The following CTNNA2 variants were observed in gnomAD, a reference collection of about 807,000 sequenced individuals.
The protein encoded by CTNNA2 is catenin alpha 2.
In CTNNA2, 42 loss-of-function variants were observed where a neutral mutation model predicts 101.0. The observed-to-expected ratio is 0.42, with a 90% CI of 0.32 to 0.54. CTNNA2 has a LOEUF of 0.54. Among genes scored for constraint, CTNNA2 ranks in the 20% least tolerant of loss-of-function variants. The pLI, the probability that CTNNA2 is intolerant of heterozygous loss-of-function variation, is 0.14. For synonymous variants in CTNNA2, 450 were observed against 456.4 expected (o/e 0.99, Z 0.18); for missense variants, 871 against 1,223.1 (o/e 0.71, Z 4.29).
chr2:79,948,183 A>G (rs1688633606), intron 7 of CTNNA2, among the ~76,000 whole-genome samples: 1 of 152,220 alleles, frequency 6.6e-6, no homozygotes, highest in Admixed American at 6.5e-5. Context: ...TGAGATCCCT[A>G]TGGAAAGCAG....
At chr2:80,202,393 A>T (rs1034260556) in intron 7 of CTNNA2, among the ~76,000 whole-genome samples, 2 of 152,170 alleles carry the variant, frequency 1.3e-5, no homozygotes, top group African/African-American at 4.8e-5. Flanking sequence ...TTAGAAGAAG[A>T]TTCAGGAACA....
chr2:80,276,130 T>C (rs1177119075), intron 7 of CTNNA2, among the ~76,000 whole-genome samples: 1 of 152,244 alleles, frequency 6.6e-6, no homozygotes, highest in African/African-American at 2.4e-5. Context: ...GATAGTCGGA[T>C]ATTCAATAAG....
intron 2 of CTNNA2, among the ~76,000 whole-genome samples, chr2:79,222,669 C>T (rs997860871): frequency 2.0e-5 from 3 of 152,018 alleles, no homozygotes; most frequent in African/African-American, 7.2e-5. Flanking sequence ...TTCTTTTCTT[C>T]CTGTCTTCCT....
intron 1 of CTNNA2, among the ~76,000 whole-genome samples, chr2:79,572,322 A>T (rs1675509119): frequency 6.6e-6 from 1 of 152,144 alleles, no homozygotes; most frequent in Admixed American, 6.6e-5. Context: ...ATTATTTTTG[A>T]GAAAAATAAG....
intron 6 of CTNNA2, among the ~76,000 whole-genome samples, chr2:79,906,446 C>T (rs533791813): frequency 6.6e-6 from 1 of 152,296 alleles, no homozygotes; most frequent in Non-Finnish European, 1.5e-5. Flanking sequence ...CTGCTTTTCA[C>T]ATCCATCATT....
chr2:80,482,088 T>C (rs1251907412), intron 9 of CTNNA2, among the ~76,000 whole-genome samples: 1 of 151,952 alleles, frequency 6.6e-6, no homozygotes, highest in Non-Finnish European at 1.5e-5. Context: ...TTTAATTTAA[T>C]TTAATTTAAT....
intron 3 of CTNNA2, among the ~76,000 whole-genome samples, chr2:79,360,581 C>A (rs1001237030): frequency 1.3e-4 from 19 of 151,732 alleles, no homozygotes; most frequent in African/African-American, 4.4e-4. Flanking sequence ...AGATACTGCC[C>A]ACTACTGAAA....
chr2:80,637,373 G>A (rs774200309), intron 18 of CTNNA2, among the ~76,000 whole-genome samples: 4 of 151,584 alleles, frequency 2.6e-5, no homozygotes, highest in Non-Finnish European at 5.9e-5. Context: ...CGTGTAGTTA[G>A]TGATCCATCC....
intron 1 of CTNNA2, among the ~76,000 whole-genome samples, chr2:79,540,085 A>G (rs1378128204): frequency 1.3e-5 from 2 of 152,176 alleles, no homozygotes; most frequent in Admixed American, 6.5e-5. Context: ...TTGTTTGCTG[A>G]TGTTTCCCCA....
chr2:80,429,925 T>C (rs1254290793), intron 9 of CTNNA2, among the ~76,000 whole-genome samples: 1 of 152,242 alleles, frequency 6.6e-6, no homozygotes, highest in South Asian at 2.1e-4. Flanking sequence ...GAATTAACTA[T>C]GCACATAATG....
intron 4 of CTNNA2, among the ~76,000 whole-genome samples, chr2:79,487,162 C>T (rs1010659558): frequency 7.2e-5 from 11 of 152,120 alleles, no homozygotes; most frequent in African/African-American, 1.9e-4. Flanking sequence ...TTTTCATTTT[C>T]GTGATCTTGT....
chr2:79,753,612 C>T (rs943491748), intron 3 of CTNNA2, among the ~76,000 whole-genome samples: 8 of 152,124 alleles, frequency 5.3e-5, no homozygotes, highest in African/African-American at 1.9e-4. Context: ...ATGACCATGC[C>T]ACCAAGGTGT....
intron 7 of CTNNA2, among the ~76,000 whole-genome samples, chr2:80,076,689 T>C (rs978912343): frequency 6.6e-6 from 1 of 152,072 alleles, no homozygotes; most frequent in African/African-American, 2.4e-5. Context: ...TGCATCTTGC[T>C]AAATAATTTT....
In CTNNA2 at chr2:79,644,277, A is replaced by G. The variant is rs1028677191; in HGVS notation, c.-5-7275A>G. 3.3e-5 allele frequency among the ~76,000 whole-genome samples: 5 copies of G among 152,058 alleles called. No individual in the cohort carries two copies. The East Asian group carries it at 9.7e-4, about 29-fold the overall frequency. On this transcript the variant is annotated intron_variant, in intron 1 of 18. Transcript: ENST00000402739. ...CTGGTCTCGAACTCCTGACCTTGTG[A>G]TCCTCCCAGCTCGGTCTCCCAAAGT...
chr2:79,316,563 C>A (rs1432271352), intron 3 of CTNNA2, among the ~76,000 whole-genome samples: 1 of 151,932 alleles, frequency 6.6e-6, no homozygotes, highest in Non-Finnish European at 1.5e-5. Context: ...GGCTTTCTTT[C>A]CACTCATTTA....
intron 4 of CTNNA2, among the ~76,000 whole-genome samples, chr2:79,414,760 T>C (rs1176266520): frequency 1.3e-5 from 2 of 151,918 alleles, no homozygotes; most frequent in Non-Finnish European, 2.9e-5. Context: ...GGGTGAGAGA[T>C]CACACAGAAA....
intron 7 of CTNNA2, among the ~76,000 whole-genome samples, chr2:80,105,742 A>AT (rs1481071575): frequency 6.6e-6 from 1 of 151,906 alleles, no homozygotes; most frequent in Admixed American, 6.5e-5. Context: ...TCAAAAAAAA[A>AT]AAAGATTGAA....
At chr2:79,189,869 A>G (rs1195086188) in intron 1 of CTNNA2, among the ~76,000 whole-genome samples, 1 of 152,192 alleles carries the variant, frequency 6.6e-6, no homozygotes, top group Non-Finnish European at 1.5e-5. Context: ...AAAGGTGCAA[A>G]GAAATATTTT....
chr2:79,331,653 G>T (rs1676875050), intron 3 of CTNNA2, among the ~76,000 whole-genome samples: 1 of 152,066 alleles, frequency 6.6e-6, no homozygotes, highest in African/African-American at 2.4e-5. Flanking sequence ...CTGGCTCCCA[G>T]GATCCTTGGT....
Sources: gnomAD v4.1 joint callset for allele counts (sites outside exome capture counted in the v4.1 genomes callset) on GRCh38, gnomAD v4.1.1 for gene constraint, MANE v1.5 for transcripts, NCBI Gene and HGNC (gene_info 2026-07-23, HGNC 2026-07-21) for gene names.